SIX6: variants seen among roughly 807,000 people sequenced by gnomAD.
The protein encoded by SIX6 is SIX homeobox 6.
In SIX6, 14 loss-of-function variants were observed where a neutral mutation model predicts 23.6. That is an observed-to-expected ratio of 0.59 (90% CI 0.39 to 0.93). The LOEUF (loss-of-function observed/expected upper bound fraction) is 0.93. Among genes scored for constraint, SIX6 ranks in the 40% least tolerant of loss-of-function variants. The probability of loss-of-function intolerance (pLI) is 0.00; values close to 1 mark genes in which losing one functional copy is unlikely to be tolerated. For missense variants in SIX6, 307 were observed against 325.6 expected, an observed-to-expected ratio of 0.94 and a Z score of 0.44; for synonymous variants, 128 against 144.9, an observed-to-expected ratio of 0.88 and a Z score of 0.84.
rs1206800098 is a variant in SIX6, at chr14:60,509,860, C to T, written c.462C>T (p.Asn154=). 1.2e-6 allele frequency: 2 copies of T among 1,613,688 alleles called. No homozygotes were observed. The highest frequency in any genetic ancestry group is 1.7e-6 in the Non-Finnish European group (2 of 1,179,816). Residue 154 remains asparagine (N), a synonymous_variant, in exon 1 of 2, where the codon AAC becomes AAT. Transcript: ENST00000327720. Reference sequence around the variant, plus strand: ...GGTACCTGCAGGATCCATACCCTAACCCCAGCAAAAAACGTGAGCTCGCCC... The same window carrying T: ...GGTACCTGCAGGATCCATACCCTAATCCCAGCAAAAAACGTGAGCTCGCCC... ...REWYLQDPYP[N]PSKKRELAQA... is the part of the protein sequence containing the mutation.
At chr14:60,510,887 A>T (rs1291614798) in intron 1 of SIX6, among the ~76,000 whole-genome samples, 197 bp from the exon 2 acceptor site, 1 of 152,236 alleles carries the variant, frequency 6.6e-6, no homozygotes, top group Non-Finnish European at 1.5e-5. Flanking sequence ...GTGGGGCACA[A>T]CAGTAGGGAC....
chr14:60,511,403 C>T lies in SIX6; in HGVS notation c.*151C>T. ...CGGGCTCGGGTTGCCGTTTCCCGCC[C>T]CACCCCGCGGCCGGCCTGGCTTCAC... On this transcript the variant is annotated 3_prime_UTR_variant, in exon 2 of 2. Transcript: ENST00000327720. 1 of 947,862 alleles carries T rather than the reference C, an allele frequency of 1.1e-6. No homozygotes were observed. The highest frequency in any genetic ancestry group is 1.4e-5 in the South Asian group (1 of 71,678). 58.7% of individuals were successfully genotyped at this position (947,862 alleles called of 1,614,324 possible).
chr14:60,510,034 G>A lies in SIX6; in HGVS notation c.572+64G>A, dbSNP rs114540035. ...GGAGGAGGCGGGTGGAGGCACCTCT[G>A]GCGCCCTTACCCAGTCCCTGGCGAC... On this transcript the variant is annotated intron_variant, in intron 1 of 1. Transcript: ENST00000327720. 7.7e-4 allele frequency: 1,102 copies of A among 1,426,618 alleles called. 11 individuals carry two copies. The African/African-American group carries it at 0.012, about 16-fold the overall frequency. The allele number at this position is 1,426,618 out of a possible 1,614,324, so 88.4% of individuals were successfully genotyped here.
Position 60,509,231 on chromosome 14 carries a change from G to C in SIX6, c.-168G>C. ...CGCGGAGCCAGCACCTCCTCCAGTCGGGGTCGTCCGCTCCCGGCCGTTGAG... is the reference window on the plus strand; with the variant it reads ...CGCGGAGCCAGCACCTCCTCCAGTCCGGGTCGTCCGCTCCCGGCCGTTGAG... On this transcript the variant is annotated 5_prime_UTR_variant, in exon 1 of 2. Coordinates refer to ENST00000327720, the MANE Select transcript of SIX6 (RefSeq NM_007374.3). 1 of 641,796 alleles carries C rather than the reference G, an allele frequency of 1.6e-6. No individual in the cohort carries two copies. 39.8% of individuals were successfully genotyped at this position (641,796 alleles called of 1,614,324 possible).
rs1160328256 is a variant in SIX6 at position 60,509,725 on chromosome 14, T to C, written c.327T>C (p.Pro109=). The C allele has an allele frequency of 3.1e-6, 5 of 1,613,958 alleles. No homozygotes were observed. Among genetic ancestry groups the C allele is most frequent in the Non-Finnish European group, 4.2e-6 (5 of 1,179,978 alleles). ...AEKLRGRPLG[P]VDKYRVRKKF... is the part of the protein sequence containing the mutation. ...AGCTGCGTGGAAGACCCCTGGGACC[T>C]GTGGACAAGTACCGAGTAAGGAAGA... The change falls in exon 1 of 2, where the codon CCT becomes CCC. Residue 109 remains proline (P), a synonymous_variant. Transcript: ENST00000327720.
Position 60,511,646 on chromosome 14 carries a change from A to C in SIX6, c.*394A>C. On this transcript the variant is annotated 3_prime_UTR_variant, in exon 2 of 2. Coordinates refer to ENST00000327720, the MANE Select transcript of SIX6 (RefSeq NM_007374.3). ...TCGCTTTAAAGTTTTTTTTTAACAAAACATATATATGCTGTTTATTTACTT... is the reference window on the plus strand; with the variant it reads ...TCGCTTTAAAGTTTTTTTTTAACAACACATATATATGCTGTTTATTTACTT... 2.8e-6 allele frequency: 1 copy of C among 358,972 alleles called. No homozygotes were observed. Among genetic ancestry groups the C allele is most frequent in the Non-Finnish European group, 5.4e-6 (1 of 186,770 alleles). The allele number at this position is 358,972 out of a possible 1,614,324, so 22.2% of individuals were successfully genotyped here.
Position 60,509,452 on chromosome 14 carries a change from T to G in SIX6, c.54T>G (p.Cys18Trp). 6.2e-7 allele frequency: 1 copy of G among 1,600,010 alleles called. No individual in the cohort carries two copies. The highest frequency in any genetic ancestry group is 8.5e-7 in the Non-Finnish European group (1 of 1,179,946). ...GCCCCCAGCAAGTGGCCGGGGTATG[T>G]GAGACCCTGGAAGAGAGCGGCGATG... The part of the protein sequence containing the change: ...NFSPQQVAGV[C>W]ETLEESGDVE... The change falls in exon 1 of 2, where the codon TGT (cysteine) becomes TGG (tryptophan). Residue 18 changes from cysteine to tryptophan, a missense_variant. Coordinates refer to ENST00000327720, the MANE Select transcript of SIX6 (RefSeq NM_007374.3).
chr14:60,510,024 A>T, intron 1 of SIX6, 54 bp downstream of exon 1: 1 of 1,488,302 alleles, frequency 6.7e-7, no homozygotes, highest in Non-Finnish European at 9.2e-7. Context: ...AGGCGGGTGG[A>T]GGCACCTCTG....
chr14:60,511,005 G>A, intron 1 of SIX6, 79 bp from the exon 2 acceptor site: 1 of 1,449,972 alleles, frequency 6.9e-7, no homozygotes. Context: ...CCGGGCTGGA[G>A]GGACGCAGGA....
chr14:60,511,628 A>T lies in SIX6; in HGVS notation c.*376A>T. ...GTTACATATGTATAACTTTCGCTTT[A>T]AAGTTTTTTTTTAACAAAACATATA... On this transcript the variant is annotated 3_prime_UTR_variant, in exon 2 of 2. Coordinates refer to ENST00000327720, the MANE Select transcript of SIX6 (RefSeq NM_007374.3). The T allele has an allele frequency of 5.2e-6, 2 of 383,734 alleles. No individual in the cohort carries two copies. The highest frequency in any genetic ancestry group is 9.9e-6 in the Non-Finnish European group (2 of 202,930). The allele number at this position is 383,734 out of a possible 1,614,324, so 23.8% of individuals were successfully genotyped here.
In SIX6 at chr14:60,509,294, A is replaced by G; in HGVS notation, c.-105A>G. 1.0e-6 allele frequency: 1 copy of G among 999,958 alleles called. No homozygotes were observed. The highest frequency in any genetic ancestry group is 2.4e-5 in the East Asian group (1 of 40,854). The allele number at this position is 999,958 out of a possible 1,614,324, so 61.9% of individuals were successfully genotyped here. A position where few individuals can be genotyped will look rare whatever the true frequency, so the allele number is the denominator to read the frequency against. ...CCCGGTAGTGTGTCCCGCTGCCCCA[A>G]TCCGCCTCATCAACAAGCGCCTGGC... On this transcript the variant is annotated 5_prime_UTR_variant, in exon 1 of 2. Coordinates refer to ENST00000327720, the MANE Select transcript of SIX6 (RefSeq NM_007374.3).
chr14:60,509,748 A>C lies in SIX6; in HGVS notation c.350A>C (p.Lys117Thr), dbSNP rs1893261789. Residue 117 changes from lysine to threonine, a missense_variant, in exon 1 of 2, where the codon AAG becomes ACG. Lys to Thr is a moderately conservative substitution (Grantham distance 78). Coordinates refer to ENST00000327720, the MANE Select transcript of SIX6 (RefSeq NM_007374.3). ...LGPVDKYRVR[K>T]KFPLPRTIWD... is the part of the protein sequence containing the mutation. The stretch of plus-strand genomic sequence containing the variant: ...CCTGTGGACAAGTACCGAGTAAGGA[A>C]GAAGTTCCCGCTGCCGCGCACCATT... The C allele has an allele frequency of 6.2e-7, 1 of 1,613,270 alleles. No individual in the cohort carries two copies. The highest frequency in any genetic ancestry group is 1.3e-5 in the African/African-American group (1 of 74,900).
Position 60,510,389 on chromosome 14 carries a change from A to T in SIX6, c.572+419A>T, listed in dbSNP as rs1334882839. Among the ~76,000 whole-genome samples the T allele has an allele frequency of 2.0e-5, 3 of 152,226 alleles. No homozygotes were observed. The East Asian group carries it at 5.8e-4, about 29-fold the overall frequency. On this transcript the variant is annotated intron_variant, in intron 1 of 1. Coordinates refer to ENST00000327720, the MANE Select transcript of SIX6 (RefSeq NM_007374.3). ...GTTTCATGTTAATTATCATTTTCAAAGCCCAGGTATATCCCTCCCTAATGC... is the reference window on the plus strand; with the variant it reads ...GTTTCATGTTAATTATCATTTTCAATGCCCAGGTATATCCCTCCCTAATGC...
Position 60,511,323 on chromosome 14 carries a change from G to C in SIX6, c.*71G>C. The C allele has an allele frequency of 7.0e-3, 9,177 of 1,308,536 alleles. No individual in the cohort carries two copies. Among genetic ancestry groups the C allele is most frequent in the Non-Finnish European group, 9.3e-3 (8,380 of 903,122 alleles). 81.1% of individuals were successfully genotyped at this position (1,308,536 alleles called of 1,614,324 possible). ...AGAAAAACAAAATGAAAGAGGGGAA[G>C]AAGATGAGAGACCTGCAAATCCAGC... On this transcript the variant is annotated 3_prime_UTR_variant, in exon 2 of 2. Transcript: ENST00000327720.
rs79034770 is a variant in SIX6 at position 60,511,640 on chromosome 14, T to G, written c.*388T>G. 8.2e-6 allele frequency: 3 copies of G among 363,796 alleles called. No individual in the cohort carries two copies. The highest frequency in any genetic ancestry group is 1.6e-5 in the Non-Finnish European group (3 of 189,942). 22.5% of individuals were successfully genotyped at this position (363,796 alleles called of 1,614,324 possible). A position where few individuals can be genotyped will look rare whatever the true frequency, so the allele number is the denominator to read the frequency against. On this transcript the variant is annotated 3_prime_UTR_variant, in exon 2 of 2. Coordinates refer to ENST00000327720, the MANE Select transcript of SIX6 (RefSeq NM_007374.3). ...TAACTTTCGCTTTAAAGTTTTTTTTTAACAAAACATATATATGCTGTTTAT... is the reference window on the plus strand; with the variant it reads ...TAACTTTCGCTTTAAAGTTTTTTTTGAACAAAACATATATATGCTGTTTAT...
chr14:60,511,445 C>A lies in SIX6; in HGVS notation c.*193C>A, dbSNP rs780389229. ...TGGCTTCACTGGCGCCCTTTGGCCG[C>A]GACCACGGGAACCAGCGGTGAGGCC... On this transcript the variant is annotated 3_prime_UTR_variant, in exon 2 of 2. Transcript: ENST00000327720. 2.7e-5 allele frequency: 18 copies of A among 674,528 alleles called. No homozygotes were observed. The highest frequency in any genetic ancestry group is 3.9e-5 in the Non-Finnish European group (15 of 380,262). 41.8% of individuals were successfully genotyped at this position (674,528 alleles called of 1,614,324 possible).
Position 60,509,583 on chromosome 14 carries a change from T to C in SIX6, c.185T>C (p.Phe62Ser). 1 of 1,613,166 alleles carries C rather than the reference T, an allele frequency of 6.2e-7. No homozygotes were observed. Among genetic ancestry groups the C allele is most frequent in the Non-Finnish European group, 8.5e-7 (1 of 1,180,018 alleles). Residue 62 changes from phenylalanine to serine, a missense_variant, in exon 1 of 2, where the codon TTT (phenylalanine) becomes TCT (serine). Physicochemically the swap from Phe to Ser is radical, Grantham distance 155. Transcript: ENST00000327720. Reference protein sequence around the residue: ...SVLRARAIVAFHGGNYRELYH... With the variant: ...SVLRARAIVASHGGNYRELYH... ...CTACGCGCACGAGCCATCGTGGCCT[T>C]TCACGGTGGCAACTACCGCGAGCTC...
In SIX6 at chr14:60,511,729, A is replaced by G; in HGVS notation, c.*477A>G. 1 of 236,040 alleles carries G rather than the reference A, an allele frequency of 4.2e-6. No individual in the cohort carries two copies. The highest frequency in any genetic ancestry group is 5.2e-5 in the Admixed American group (1 of 19,350). The allele number at this position is 236,040 out of a possible 1,614,324, so 14.6% of individuals were successfully genotyped here. Reference sequence around the variant, plus strand: ...AGCTTGGGGAACTTGCTGTTTCTAAACATGCAGGCTGGTGGTGATGGGTTC... The same window carrying G: ...AGCTTGGGGAACTTGCTGTTTCTAAGCATGCAGGCTGGTGGTGATGGGTTC... On this transcript the variant is annotated 3_prime_UTR_variant, in exon 2 of 2. Coordinates refer to ENST00000327720, the MANE Select transcript of SIX6 (RefSeq NM_007374.3).
At position 60,511,465 on chromosome 14, in the gene SIX6, G is replaced by A; in HGVS notation, c.*213G>A. ...GGCCGCGACCACGGGAACCAGCGGT[G>A]AGGCCTGACCCAGCACCACGTTCTT... On this transcript the variant is annotated 3_prime_UTR_variant, in exon 2 of 2. Coordinates refer to ENST00000327720, the MANE Select transcript of SIX6 (RefSeq NM_007374.3). The A allele has an allele frequency of 1.5e-6, 1 of 647,048 alleles. No homozygotes were observed. The highest frequency in any genetic ancestry group is 1.8e-5 in the South Asian group (1 of 57,074). The allele number at this position is 647,048 out of a possible 1,614,324, so 40.1% of individuals were successfully genotyped here.
Sources: allele counts gnomAD v4.1 joint callset (sites outside exome capture counted in the v4.1 genomes callset), GRCh38; gene constraint gnomAD v4.1.1; transcripts MANE v1.5; gene names NCBI Gene and HGNC (gene_info 2026-07-23, HGNC 2026-07-21).